The following AMMECR1 variants were observed in gnomAD, a reference collection of about 807,000 sequenced individuals.
The protein encoded by AMMECR1 is AMMECR nuclear protein 1.
AMMECR1 carries 3 observed loss-of-function variants against 22.5 expected under a neutral mutation model. The observed-to-expected ratio is 0.13, with a 90% CI of 0.06 to 0.35. The LOEUF (loss-of-function observed/expected upper bound fraction) is 0.35, where lower values mean the gene tolerates loss of function less well. AMMECR1 is among the 10% of genes least tolerant of loss of function. The probability of loss-of-function intolerance (pLI) is 1.00; values close to 1 mark genes in which losing one functional copy is unlikely to be tolerated. For synonymous variants in AMMECR1, 130 were observed against 116.7 expected, an observed-to-expected ratio of 1.11 and a Z score of -0.74; for missense variants, 235 against 278.7, an observed-to-expected ratio of 0.84 and a Z score of 1.12.
intron 2 of AMMECR1, among the ~76,000 whole-genome samples, chrX:110,331,568 A>T (rs1167102714): frequency 9.0e-6 from 1 of 111,023 alleles, no homozygotes; most frequent in East Asian, 2.8e-4. Flanking sequence ...CTATTGCCTT[A>T]TTTCATCAGC....
chrX:110,212,847 A>G (rs745925423), intron 3 of AMMECR1, among the ~76,000 whole-genome samples: 1 of 112,001 alleles, frequency 8.9e-6, no homozygotes, highest in Admixed American at 9.5e-5. Context: ...ATGTAACCAA[A>G]TATTCAGATT....
chrX:110,389,018 G>A (rs1356684429), intron 2 of AMMECR1, among the ~76,000 whole-genome samples: 1 of 111,874 alleles, frequency 8.9e-6, no homozygotes, highest in Non-Finnish European at 1.9e-5. Context: ...CATTTTACTA[G>A]TGTTTCCCAA....
intron 2 of AMMECR1, among the ~76,000 whole-genome samples, chrX:110,419,928 C>G (rs1345175378): frequency 8.9e-6 from 1 of 112,061 alleles, no homozygotes; most frequent in African/African-American, 3.2e-5. Flanking sequence ...TCATTTAATC[C>G]TCATCATAAC....
At chrX:110,239,029 A>G (rs766127252) in intron 2 of AMMECR1, among the ~76,000 whole-genome samples, 100 of 112,051 alleles carry the variant, frequency 8.9e-4, no homozygotes, top group African/African-American at 3.0e-3. Flanking sequence ...TGTCCACACC[A>G]AAACCCCATC....
intron 1 of AMMECR1, among the ~76,000 whole-genome samples, chrX:110,313,518 T>C (rs769254171): frequency 2.7e-5 from 3 of 112,041 alleles, no homozygotes; most frequent in African/African-American, 6.5e-5. Flanking sequence ...CCAGCAACCA[T>C]AGGCATAAGT....
chrX:110,336,534 CA>C (rs1569409838), intron 2 of AMMECR1, among the ~76,000 whole-genome samples: 1 of 107,607 alleles, frequency 9.3e-6, no homozygotes. Flanking sequence ...AAAAACAAAA[CA>C]AAACAAAACA....
At chrX:110,388,113 C>G (rs576691814) in intron 2 of AMMECR1, among the ~76,000 whole-genome samples, 12 of 111,037 alleles carry the variant, frequency 1.1e-4, no homozygotes, top group South Asian at 3.8e-4. Context: ...ATGATCTGCC[C>G]GCCTCAGCCT....
chrX:110,389,848 T>C (rs953635639), intron 2 of AMMECR1, among the ~76,000 whole-genome samples: 1 of 111,654 alleles, frequency 9.0e-6, no homozygotes, highest in Non-Finnish European at 1.9e-5. Flanking sequence ...AGTCAGGTCA[T>C]TGCAGACCAT....
At chrX:110,296,979 A>G (rs1258207956) in intron 1 of AMMECR1, among the ~76,000 whole-genome samples, 1 of 111,209 alleles carries the variant, frequency 9.0e-6, no homozygotes, top group Non-Finnish European at 1.9e-5. Context: ...TATAAAGTAG[A>G]AAGTTTGGAA....
At chrX:110,210,809 C>T (rs1001423603) in intron 3 of AMMECR1, among the ~76,000 whole-genome samples, 1 of 111,805 alleles carries the variant, frequency 8.9e-6, no homozygotes, top group African/African-American at 3.2e-5. Flanking sequence ...ACCAGGAGTC[C>T]AACGAGGCTC....
chrX:110,389,776 G>A (rs1025081762), intron 2 of AMMECR1, among the ~76,000 whole-genome samples: 3 of 110,199 alleles, frequency 2.7e-5, no homozygotes, highest in African/African-American at 6.6e-5. Flanking sequence ...GAGGAAAGGC[G>A]GGGCAGGGAG....
chrX:110,296,909 G>C (rs932149078), intron 1 of AMMECR1, among the ~76,000 whole-genome samples: 4 of 110,856 alleles, frequency 3.6e-5, no homozygotes, highest in Admixed American at 9.7e-5. Context: ...CCTGAATTAA[G>C]TGCCATAGTT....
At chrX:110,243,552 T>C (rs2067643934) in intron 2 of AMMECR1, among the ~76,000 whole-genome samples, 1 of 112,383 alleles carries the variant, frequency 8.9e-6, no homozygotes. Context: ...CCTTTAAAGA[T>C]GCCTGGAATC....
At chrX:110,413,704 G>C (rs766641750) in intron 2 of AMMECR1, among the ~76,000 whole-genome samples, 1 of 109,762 alleles carries the variant, frequency 9.1e-6, no homozygotes, top group Non-Finnish European at 1.9e-5. Context: ...TTGCTGGCTG[G>C]CCTCAACGCT....
At position 110,268,977 on chromosome X, in the gene AMMECR1, G is replaced by A. The variant is rs759302855; in HGVS notation, c.474-4378C>T. ...TATTAATGAAAATGTTTATCTGAAG[G>A]CAACCAGACAAAGCTTTTAAAGTAA... On this transcript the variant is annotated intron_variant, in intron 1 of 5. Coordinates refer to ENST00000262844, the MANE Select transcript of AMMECR1 (RefSeq NM_015365.3). 2.7e-5 allele frequency among the ~76,000 whole-genome samples: 3 copies of A among 111,999 alleles called. No homozygotes were observed. The South Asian group carries it at 1.1e-3, about 42-fold the overall frequency.
intron 5 of AMMECR1, 33 bp downstream of exon 5, chrX:110,200,921 G>T: frequency 9.5e-7 from 1 of 1,054,779 alleles, no homozygotes; most frequent in Non-Finnish European, 1.3e-6. Context: ...AAAATGTACA[G>T]GTTAGCCTTG....
At chrX:110,280,715 A>G (rs1042718734) in intron 1 of AMMECR1, among the ~76,000 whole-genome samples, 1 of 111,777 alleles carries the variant, frequency 8.9e-6, no homozygotes, top group African/African-American at 3.2e-5. Flanking sequence ...TTCTATGGAA[A>G]TATTTTCACA....
intron 2 of AMMECR1, 52 bp downstream of exon 2, chrX:110,264,437 A>T (rs1053868230): frequency 9.9e-6 from 7 of 709,479 alleles, no homozygotes; most frequent in Non-Finnish European, 1.5e-5. Flanking sequence ...TTCAAGTTTC[A>T]TAAGTTTTTT....
At chrX:110,256,090 C>T (rs1197499412) in intron 2 of AMMECR1, among the ~76,000 whole-genome samples, 1 of 111,601 alleles carries the variant, frequency 9.0e-6, no homozygotes, top group African/African-American at 3.2e-5. Context: ...GTTGTGTGAA[C>T]GTCATAGAGT....
Sources: allele counts gnomAD v4.1 joint callset (sites outside exome capture counted in the v4.1 genomes callset), GRCh38; gene constraint gnomAD v4.1.1; transcripts MANE v1.5; gene names NCBI Gene and HGNC (gene_info 2026-07-23, HGNC 2026-07-21).